ENOX1: variants seen among roughly 807,000 people sequenced by gnomAD.
ENOX1 encodes ecto-NOX disulfide-thiol exchanger 1.
A neutral mutation model predicts 82.5 loss-of-function variants in ENOX1; 42 were observed. The ratio of observed to expected loss-of-function variants is 0.51; its 90% CI spans 0.40 to 0.66. The LOEUF is 0.66. ENOX1 is among the 30% of genes least tolerant of loss of function. The pLI, the probability that ENOX1 is intolerant of heterozygous loss-of-function variation, is 0.00. For missense variants in ENOX1, 608 were observed against 811.6 expected (o/e 0.75, Z 3.05); for synonymous variants, 271 against 282.2 (o/e 0.96, Z 0.40).
chr13:43,530,984 G>T (rs540702620), intron 2 of ENOX1, among the ~76,000 whole-genome samples: 1 of 151,922 alleles, frequency 6.6e-6, no homozygotes, highest in East Asian at 1.9e-4. Context: ...ATCTGGGGAA[G>T]TCCTTATAAA....
At chr13:43,736,584 G>C (rs1284844394) in intron 1 of ENOX1, among the ~76,000 whole-genome samples, 17 of 152,142 alleles carry the variant, frequency 1.1e-4, no homozygotes, top group Non-Finnish European at 2.4e-4. Context: ...CTGTGAAGTG[G>C]CATGCATTGT....
At chr13:43,496,941 C>A (rs2076817955) in intron 2 of ENOX1, among the ~76,000 whole-genome samples, 1 of 152,024 alleles carries the variant, frequency 6.6e-6, no homozygotes, top group African/African-American at 2.4e-5. Context: ...AATTTTAGAA[C>A]CAATTTATTA....
At chr13:43,706,842 C>A (rs1379453560) in intron 1 of ENOX1, among the ~76,000 whole-genome samples, 1 of 152,046 alleles carries the variant, frequency 6.6e-6, no homozygotes, top group African/African-American at 2.4e-5. Context: ...AAAATATCCA[C>A]TCCTACCACT....
At chr13:43,506,997 C>A (rs1368193600) in intron 2 of ENOX1, among the ~76,000 whole-genome samples, 1 of 150,342 alleles carries the variant, frequency 6.7e-6, no homozygotes, top group East Asian at 2.0e-4. Context: ...AAAAAAAAAC[C>A]CTTGAGGGAA....
chr13:43,469,562 T>C (rs1280510082), intron 3 of ENOX1, among the ~76,000 whole-genome samples: 1 of 151,958 alleles, frequency 6.6e-6, no homozygotes, highest in Non-Finnish European at 1.5e-5. Flanking sequence ...GTAATAAATA[T>C]AATAGTAGGT....
At position 43,360,061 on chromosome 13, in the gene ENOX1, A is replaced by G. The variant is rs1283538996; in HGVS notation, c.383-4T>C. 1.1e-5 allele frequency: 18 copies of G among 1,613,522 alleles called. No homozygotes were observed. The highest frequency in any genetic ancestry group is 1.4e-5 in the Non-Finnish European group (17 of 1,179,558). On this transcript the variant is annotated splice_polypyrimidine_tract_variant and splice_region_variant and intron_variant, in intron 6 of 16. Transcript: ENST00000690772. ...CTTGTGGAAGGAGGTGGAAGATCTA[A>G]TAATCACAACAAAACAGAAAGTTTT...
chr13:43,706,524 G>A (rs2087297092), intron 1 of ENOX1, among the ~76,000 whole-genome samples: 1 of 151,900 alleles, frequency 6.6e-6, no homozygotes, highest in African/African-American at 2.4e-5. Flanking sequence ...ATCAAGCCCA[G>A]TAATACATAA....
At chr13:43,455,640 G>A (rs1222008032) in intron 3 of ENOX1, among the ~76,000 whole-genome samples, 1 of 152,064 alleles carries the variant, frequency 6.6e-6, no homozygotes, top group Non-Finnish European at 1.5e-5. Flanking sequence ...CGTCTGATAT[G>A]GTTGGCTGTG....
At chr13:43,397,310 G>A (rs1031636435) in intron 5 of ENOX1, among the ~76,000 whole-genome samples, 1 of 152,206 alleles carries the variant, frequency 6.6e-6, no homozygotes, top group African/African-American at 2.4e-5. Context: ...AGGCCACTAA[G>A]TGTTGAAAGT....
chr13:43,478,599 G>A (rs1008061727), intron 3 of ENOX1, among the ~76,000 whole-genome samples: 5 of 152,044 alleles, frequency 3.3e-5, no homozygotes, highest in African/African-American at 1.2e-4. Flanking sequence ...CCTTTTCATA[G>A]ATGATACATC....
intron 2 of ENOX1, among the ~76,000 whole-genome samples, chr13:43,650,779 A>G (rs763776240): frequency 2.8e-4 from 42 of 152,332 alleles, no homozygotes; most frequent in Non-Finnish European, 2.9e-4. Context: ...CAGAGGTTGC[A>G]GTGAGCTGAG....
chr13:43,433,671 T>G (rs369901792), intron 3 of ENOX1, among the ~76,000 whole-genome samples: 3 of 152,248 alleles, frequency 2.0e-5, no homozygotes, highest in African/African-American at 7.2e-5. Flanking sequence ...TATGACGTGA[T>G]GCACTCTGAG....
chr13:43,225,315 T>C (rs2041975976), intron 15 of ENOX1, among the ~76,000 whole-genome samples: 1 of 152,212 alleles, frequency 6.6e-6, no homozygotes, highest in African/African-American at 2.4e-5. Context: ...TTAGGGATTA[T>C]GCCCATTACC....
intron 1 of ENOX1, among the ~76,000 whole-genome samples, chr13:43,690,660 A>G (rs1197334843): frequency 6.6e-6 from 1 of 152,220 alleles, no homozygotes; most frequent in African/African-American, 2.4e-5. Flanking sequence ...CTCCGCAAGC[A>G]GCATTTCTGG....
At chr13:43,447,906 C>T (rs1373930180) in intron 3 of ENOX1, among the ~76,000 whole-genome samples, 1 of 152,206 alleles carries the variant, frequency 6.6e-6, no homozygotes, top group Non-Finnish European at 1.5e-5. Flanking sequence ...AAAATGTTCA[C>T]AGCAATCAAT....
chr13:43,433,439 A>G (rs1465368902), intron 3 of ENOX1, among the ~76,000 whole-genome samples: 1 of 152,186 alleles, frequency 6.6e-6, no homozygotes, highest in African/African-American at 2.4e-5. Flanking sequence ...TCAAGTTTCA[A>G]CATGAGTGTT....
intron 1 of ENOX1, among the ~76,000 whole-genome samples, chr13:43,752,084 A>G (rs1950354195): frequency 6.6e-6 from 1 of 152,072 alleles, no homozygotes. Context: ...TACTATGTCT[A>G]TTGTTGTATT....
chr13:43,758,012 A>G (rs1036337090), intron 1 of ENOX1, among the ~76,000 whole-genome samples: 7 of 152,154 alleles, frequency 4.6e-5, no homozygotes, highest in African/African-American at 1.7e-4. Context: ...AGGCAAGCAG[A>G]TTACTTCAGG....
intron 1 of ENOX1, among the ~76,000 whole-genome samples, chr13:43,719,232 C>T (rs2088378045): frequency 6.6e-6 from 1 of 151,354 alleles, no homozygotes; most frequent in African/African-American, 2.4e-5. Context: ...AGTCAGGTGT[C>T]CTTCAGCAGT....
Sources: gnomAD v4.1 joint callset for allele counts (sites outside exome capture counted in the v4.1 genomes callset) on GRCh38, gnomAD v4.1.1 for gene constraint, MANE v1.5 for transcripts, NCBI Gene and HGNC (gene_info 2026-07-23, HGNC 2026-07-21) for gene names.